Variants in USP34 observed in about 807,000 individuals in gnomAD.
USP34 encodes ubiquitin carboxyl-terminal hydrolase 34.
In USP34, 70 loss-of-function variants were observed where a neutral mutation model predicts 460.3. The observed-to-expected ratio is 0.15, with a 90% confidence interval of 0.13 to 0.19. The LOEUF (loss-of-function observed/expected upper bound fraction) is 0.19. USP34 is among the 10% of genes least tolerant of loss of function. The pLI, the probability that USP34 is intolerant of heterozygous loss-of-function variation, is 1.00. For missense variants in USP34, 3,985 were observed against 4,236.2 expected, an observed-to-expected ratio of 0.94 and a Z score of 1.65; for synonymous variants, 1,647 against 1,405.3, an observed-to-expected ratio of 1.17 and a Z score of -3.85.
At chr2:61,252,676 T>C (rs963494268) in intron 48 of USP34, among the ~76,000 whole-genome samples, 8 of 152,208 alleles carry the variant, frequency 5.3e-5, no homozygotes, top group African/African-American at 1.7e-4. Flanking sequence ...AAATTCACTA[T>C]TTTAGATTAT....
Position 61,378,448 on chromosome 2 carries a change from A to C in USP34, c.1015-24T>G, listed in dbSNP as rs150384375. The C allele has an allele frequency of 7.3e-4, 1,127 of 1,552,648 alleles. 9 individuals carry two copies. The African/African-American group carries it at 0.011, about 15-fold the overall frequency. The stretch of plus-strand genomic sequence containing the variant: ...TTCTATGATTAAAGACAAGAAATTA[A>C]GGGTTTTTATTTCCAAAATTATTCT... On this transcript the variant is annotated intron_variant, in intron 7 of 79. Coordinates refer to ENST00000398571, the MANE Select transcript of USP34 (RefSeq NM_014709.4).
intron 5 of USP34, among the ~76,000 whole-genome samples, chr2:61,384,219 C>T (rs1418805386): frequency 6.6e-6 from 1 of 152,098 alleles, no homozygotes; most frequent in Non-Finnish European, 1.5e-5. Context: ...AAATATATTT[C>T]CTCATTTTTT....
intron 65 of USP34, among the ~76,000 whole-genome samples, chr2:61,222,131 C>A (rs1558474012): frequency 6.6e-6 from 1 of 152,180 alleles, no homozygotes; most frequent in Non-Finnish European, 1.5e-5. Context: ...GTTAATGAGA[C>A]AACTGTGTTC....
intron 15 of USP34, chr2:61,346,144 T>C (rs908027570): frequency 6.6e-6 from 1 of 152,162 alleles, no homozygotes; most frequent in Admixed American, 6.6e-5. Flanking sequence ...TAGGCATTTA[T>C]TACAAGATGT....
At chr2:61,219,898 G>T (rs17540733) in intron 67 of USP34, among the ~76,000 whole-genome samples, 1,787 of 151,934 alleles carry the variant, frequency 0.012, 22 homozygotes, top group Middle Eastern at 0.017. Context: ...ACCTGTCTAA[G>T]ATCTTTTTTA....
Position 61,223,124 on chromosome 2 carries a change from T to C in USP34, c.7685A>G (p.Asn2562Ser), listed in dbSNP as rs773170548. ...FLFQHIRDGI[N>S]IRQTCNLIFS... ...AATCAGATTACAAGTTTGTCTTATA[T>C]TGATGCCATCACGAATATGTTGAAA... The change falls in exon 64 of 80, where the codon AAT becomes AGT. Residue 2562 changes from asparagine (N) to serine (S), a missense_variant. Physicochemically the swap from Asn to Ser is conservative, Grantham distance 46. Around this residue, in one of 14 missense-constraint regions of USP34, gnomAD observed 604 missense variants for 684.8 expected, o/e 0.88. Coordinates refer to ENST00000398571, the MANE Select transcript of USP34 (RefSeq NM_014709.4). The C allele has an allele frequency of 1.2e-5, 20 of 1,614,140 alleles. No individual in the cohort carries two copies. Among genetic ancestry groups the C allele is most frequent in the South Asian group, 2.2e-5 (2 of 91,072 alleles).
At position 61,464,828 on chromosome 2, in the gene USP34, G is replaced by A. The variant is rs1263077144; in HGVS notation, c.43+5822C>T. Among the ~76,000 whole-genome samples the A allele has an allele frequency of 2.0e-5, 3 of 151,602 alleles. No individual in the cohort carries two copies. In the East Asian group the frequency reaches 5.8e-4, roughly 29 times the overall value. On this transcript the variant is annotated intron_variant, in intron 1 of 79. Coordinates refer to ENST00000398571, the MANE Select transcript of USP34 (RefSeq NM_014709.4). ...AGTTTACTAGTGAGTTTGCTATGGT[G>A]ATGGCCTAAAGCATGTAATTTTAAG...
intron 33 of USP34, 64 bp downstream of exon 33, chr2:61,293,400 G>T: frequency 7.9e-7 from 1 of 1,259,060 alleles, no homozygotes; most frequent in Non-Finnish European, 1.1e-6. Flanking sequence ...ACTTGCTGAT[G>T]AAATGGAAGT....
intron 1 of USP34, among the ~76,000 whole-genome samples, chr2:61,446,795 C>CAA (rs202114862): frequency 4.3e-5 from 6 of 139,512 alleles, no homozygotes; most frequent in Admixed American, 7.3e-5. Flanking sequence ...GACTCCACAT[C>CAA]AAAAAAAAAA....
At chr2:61,246,525 AG>A (rs1688422074) in intron 49 of USP34, 48 bp from the exon 50 acceptor site, 3 of 1,264,642 alleles carry the variant, frequency 2.4e-6, no homozygotes, top group African/African-American at 1.5e-5. Flanking sequence ...ACTTCACAAC[AG>A]TTACTTAGAA....
At chr2:61,249,725 G>A (rs967369750) in intron 48 of USP34, 1 of 152,978 alleles carries the variant, frequency 6.5e-6, no homozygotes, top group Non-Finnish European at 1.5e-5. Context: ...CAGAAGAAGA[G>A]TCTGCAGGGC....
intron 20 of USP34, among the ~76,000 whole-genome samples, chr2:61,325,795 A>G (rs1380949499): frequency 1.3e-5 from 2 of 152,296 alleles, no homozygotes; most frequent in East Asian, 3.9e-4. Context: ...AAAAAACACC[A>G]TCTCTATCTA....
At position 61,343,880 on chromosome 2, in the gene USP34, A is replaced by G; in HGVS notation, c.2435T>C (p.Leu812Pro). The change falls in exon 16 of 80, where the codon CTG (leucine) becomes CCG (proline). Residue 812 changes from leucine (L) to proline (P), a missense_variant. Transcript: ENST00000398571. ...AAGATGTTGTTGGAGGTGAGATGTC[A>G]GTTCCGCATGTGAATTAATCTGAAC... ...ELVQINSHAE[L>P]TSHLQQHLPN... 7 of 1,614,044 alleles carry G rather than the reference A, an allele frequency of 4.3e-6. No individual in the cohort carries two copies. Among genetic ancestry groups the G allele is most frequent in the Non-Finnish European group, 5.9e-6 (7 of 1,179,952 alleles).
intron 75 of USP34, among the ~76,000 whole-genome samples, chr2:61,197,758 C>G (rs79661594): frequency 6.6e-6 from 1 of 151,816 alleles, no homozygotes. Flanking sequence ...TCACCAAGCC[C>G]GCCTTCTATT....
intron 23 of USP34, 61 bp downstream of exon 23, chr2:61,317,593 C>G: frequency 6.9e-7 from 1 of 1,441,236 alleles, no homozygotes; most frequent in Non-Finnish European, 9.7e-7. Context: ...ATTTGGAAAC[C>G]GAATTTGATA....
chr2:61,188,744 G>C (rs1686527159), intron 79 of USP34, 35 bp from the exon 80 acceptor site: 2 of 1,598,948 alleles, frequency 1.3e-6, no homozygotes, highest in Non-Finnish European at 1.7e-6. Flanking sequence ...AAACTTCTCT[G>C]AAAGTCATTA....
intron 48 of USP34, among the ~76,000 whole-genome samples, chr2:61,251,161 GTAAA>G (rs961904500): frequency 6.6e-5 from 10 of 151,788 alleles, no homozygotes; most frequent in South Asian, 2.1e-4. Flanking sequence ...AAATAAATAA[GTAAA>G]TAAATAAACG....
intron 10 of USP34, among the ~76,000 whole-genome samples, chr2:61,353,560 T>A (rs893616044): frequency 8.0e-6 from 1 of 125,378 alleles, no homozygotes; most frequent in Admixed American, 7.9e-5. Flanking sequence ...CCCAGCTAGT[T>A]TTGTTTTTGT....
chr2:61,306,470 T>A (rs944809399), intron 27 of USP34, among the ~76,000 whole-genome samples: 1 of 152,228 alleles, frequency 6.6e-6, no homozygotes, highest in Non-Finnish European at 1.5e-5. Flanking sequence ...TTGGTTACTA[T>A]AGCCTTGTAG....
Sources: allele counts gnomAD v4.1 joint callset (sites outside exome capture counted in the v4.1 genomes callset), GRCh38; gene constraint gnomAD v4.1.1; regional missense constraint gnomAD v4.1.1; transcripts MANE v1.5; gene names NCBI Gene and HGNC (gene_info 2026-07-23, HGNC 2026-07-21).